TENM1: variants seen among roughly 807,000 people sequenced by gnomAD.
The protein encoded by TENM1 is teneurin transmembrane protein 1, also known as teneurin-1.
A neutral mutation model predicts 174.8 loss-of-function variants in TENM1; 35 were observed. That is an observed-to-expected ratio of 0.20 (90% CI 0.15 to 0.27). The LOEUF is 0.27. Among genes scored for constraint, TENM1 ranks in the 10% least tolerant of loss-of-function variants. TENM1 has a pLI of 1.00. For missense variants in TENM1, 1,633 were observed against 2,130.1 expected (o/e 0.77, Z 4.59); for synonymous variants, 781 against 798.7 (o/e 0.98, Z 0.37).
chrX:125,121,900 C>T, the TENM1 span, among the ~76,000 whole-genome samples: 1 of 111,359 alleles, frequency 9.0e-6, no homozygotes, highest in Non-Finnish European at 1.9e-5. Flanking sequence ...TAGGGAGACC[C>T]CATGTCTTAG....
chrX:125,079,963 G>A, the TENM1 span, among the ~76,000 whole-genome samples: 1 of 111,061 alleles, frequency 9.0e-6, no homozygotes, highest in African/African-American at 3.3e-5. Flanking sequence ...ATGAGAAGCA[G>A]GAGTAATCAC....
chrX:124,948,878 C>T (rs2058441112), intron 1 of TENM1, among the ~76,000 whole-genome samples: 1 of 112,092 alleles, frequency 8.9e-6, no homozygotes, highest in Non-Finnish European at 1.9e-5. Flanking sequence ...GAACTGAAAA[C>T]AATTCTCCAG....
At chrX:124,777,767 C>A (rs1449824143) in intron 3 of TENM1, among the ~76,000 whole-genome samples, 4 of 112,212 alleles carry the variant, frequency 3.6e-5, no homozygotes, top group African/African-American at 1.3e-4. Flanking sequence ...AATTTGCTCA[C>A]ACAAACATAT....
chrX:124,926,928 C>A (rs866850180), intron 1 of TENM1, among the ~76,000 whole-genome samples: 5 of 112,488 alleles, frequency 4.4e-5, no homozygotes, highest in Middle Eastern at 4.6e-3. Flanking sequence ...CTTCCTCACA[C>A]TTCCACTGAC....
At chrX:124,949,434 T>C in intron 1 of TENM1, among the ~76,000 whole-genome samples, 1 of 111,870 alleles carries the variant, frequency 8.9e-6, no homozygotes, top group African/African-American at 3.2e-5. Context: ...CTCAATAAGT[T>C]TACAGTCTAG....
At chrX:124,664,984 T>C (rs972767676) in intron 6 of TENM1, among the ~76,000 whole-genome samples, 2 of 111,401 alleles carry the variant, frequency 1.8e-5, no homozygotes, top group African/African-American at 6.5e-5. Flanking sequence ...GTTATGTCTA[T>C]TGTCTATTGC....
intron 23 of TENM1, among the ~76,000 whole-genome samples, chrX:124,438,646 A>G (rs2060870673): frequency 8.9e-6 from 1 of 111,949 alleles, no homozygotes; most frequent in African/African-American, 3.2e-5. Context: ...TGAGCACGGT[A>G]CTTGACTTTT....
Position 124,941,449 on chromosome X carries a change from A to G in TENM1, c.217+22088T>C, listed in dbSNP as rs1208610051. On this transcript the variant is annotated intron_variant, in intron 1 of 31. Coordinates refer to ENST00000422452, the Ensembl canonical transcript of TENM1. ...GTCATTTAAATGTTTAGTGTGCTAC[A>G]TGATTTTGTCAATTGCCTCTTCCTT... Among the ~76,000 whole-genome samples, 6 of 111,637 alleles carry G rather than the reference A, an allele frequency of 5.4e-5. No homozygotes were observed. The East Asian group carries it at 1.7e-3, about 32-fold the overall frequency.
the TENM1 span, among the ~76,000 whole-genome samples, chrX:124,985,914 G>A: frequency 2.7e-5 from 3 of 111,308 alleles, no homozygotes; most frequent in African/African-American, 9.8e-5. Flanking sequence ...CACATCAACT[G>A]TCGTGAACTG....
At chrX:124,785,119 A>G (rs2055005270) in intron 3 of TENM1, among the ~76,000 whole-genome samples, 1 of 111,717 alleles carries the variant, frequency 9.0e-6, no homozygotes, top group African/African-American at 3.2e-5. Context: ...AGTAAAGACC[A>G]TTAATTGAGA....
At chrX:124,841,986 C>T (rs1391080953) in intron 3 of TENM1, among the ~76,000 whole-genome samples, 2 of 112,039 alleles carry the variant, frequency 1.8e-5, no homozygotes, top group African/African-American at 6.5e-5. Flanking sequence ...TCTAGAAAGT[C>T]GAATTGATTC....
chrX:124,817,197 G>A (rs1372443360), intron 3 of TENM1, among the ~76,000 whole-genome samples: 2 of 111,108 alleles, frequency 1.8e-5, no homozygotes, highest in Non-Finnish European at 3.8e-5. Flanking sequence ...CTTCATCCAT[G>A]TCCCTGCAAA....
the TENM1 span, among the ~76,000 whole-genome samples, chrX:124,974,531 A>G: frequency 9.0e-6 from 1 of 111,461 alleles, no homozygotes; most frequent in Non-Finnish European, 1.9e-5. Context: ...ACTTTAAAAG[A>G]GAAACATGGA....
At chrX:124,913,088 T>C (rs2057862990) in intron 1 of TENM1, among the ~76,000 whole-genome samples, 1 of 111,487 alleles carries the variant, frequency 9.0e-6, no homozygotes, top group African/African-American at 3.3e-5. Context: ...ACATTGATCA[T>C]AATTTTTTTC....
At chrX:124,758,016 G>C (rs1603147009) in intron 3 of TENM1, among the ~76,000 whole-genome samples, 1 of 112,038 alleles carries the variant, frequency 8.9e-6, no homozygotes, top group Non-Finnish European at 1.9e-5. Context: ...CTTTAAAAAT[G>C]ATTGTTCATT....
intron 11 of TENM1, among the ~76,000 whole-genome samples, chrX:124,579,194 A>G (rs1188699565): frequency 8.9e-6 from 1 of 111,754 alleles, no homozygotes; most frequent in Non-Finnish European, 1.9e-5. Flanking sequence ...CACACTACAT[A>G]TAAAAATATT....
the TENM1 span, among the ~76,000 whole-genome samples, chrX:125,023,177 T>C: frequency 9.0e-6 from 1 of 111,104 alleles, no homozygotes; most frequent in Admixed American, 9.6e-5. Context: ...TGGGAAGTGA[T>C]TGGATTATGG....
At chrX:124,659,726 C>G (rs1164385127) in intron 6 of TENM1, among the ~76,000 whole-genome samples, 1 of 111,386 alleles carries the variant, frequency 9.0e-6, no homozygotes, top group Non-Finnish European at 1.9e-5. Context: ...TGATTCAAAA[C>G]TGATTACAAA....
chrX:124,965,064 CAATTT>C (rs1183883433), upstream of TENM1, among the ~76,000 whole-genome samples: 2 of 100,907 alleles, frequency 2.0e-5, no homozygotes, highest in African/African-American at 9.8e-5. Flanking sequence ...TTTTATTGAT[CAATTT>C]GATTGATTGA....
Sources: gnomAD v4.1 joint callset for allele counts (sites outside exome capture counted in the v4.1 genomes callset) on GRCh38, gnomAD v4.1.1 for gene constraint, MANE v1.5 for transcripts, NCBI Gene and HGNC (gene_info 2026-07-23, HGNC 2026-07-21) for gene names.